Variants in PDLIM3 observed in about 807,000 individuals in gnomAD.
PDLIM3 encodes PDZ and LIM domain 3.
In PDLIM3, 36 loss-of-function variants were observed where a neutral mutation model predicts 37.3. That is an observed-to-expected ratio of 0.97 (90% CI 0.74 to 1.28). The LOEUF is 1.28. Among genes scored for constraint, PDLIM3 ranks in the 50% most tolerant of loss-of-function variants. PDLIM3 has a pLI of 0.00. For missense variants in PDLIM3, 454 were observed against 485.0 expected, an observed-to-expected ratio of 0.94 and a Z score of 0.60; for synonymous variants, 174 against 182.4, an observed-to-expected ratio of 0.95 and a Z score of 0.37.
intron 3 of PDLIM3, among the ~76,000 whole-genome samples, chr4:185,518,722 T>C (rs1273999007): frequency 1.3e-5 from 2 of 152,190 alleles, no homozygotes; most frequent in Non-Finnish European, 2.9e-5. Flanking sequence ...TGGGAAGAGC[T>C]TGAGGAAATG....
chr4:185,530,797 G>A (rs13127137), intron 1 of PDLIM3, among the ~76,000 whole-genome samples: 109,037 of 152,052 alleles, frequency 0.72, 42,687 homozygotes, highest in Non-Finnish European at 0.87. Flanking sequence ...TGTCTATGCT[G>A]CACTCTTCAC....
chr4:185,514,707 G>A lies in PDLIM3; in HGVS notation c.331-370C>T. The A allele has an allele frequency of 6.4e-7, 1 of 1,551,762 alleles. No individual in the cohort carries two copies. Among genetic ancestry groups the A allele is most frequent in the Non-Finnish European group, 8.7e-7 (1 of 1,146,864 alleles). ...AGAACAGAGCCGGATACTTACTTTTGAGGTGAGCTAGGAATGAGACCCCGC... is the reference window on the plus strand; with the variant it reads ...AGAACAGAGCCGGATACTTACTTTTAAGGTGAGCTAGGAATGAGACCCCGC... On this transcript the variant is annotated intron_variant, in intron 3 of 7. Coordinates refer to ENST00000284767, the MANE Select transcript of PDLIM3 (RefSeq NM_014476.6). The surrounding 1 kb of genome is among the most constrained non-coding windows in gnomAD (Gnocchi z 4.0).
In PDLIM3 at chr4:185,514,446, G is replaced by A. The variant is rs2095711572; in HGVS notation, c.331-109C>T. On this transcript the variant is annotated intron_variant, in intron 3 of 7. Transcript: ENST00000284767. This position sits in a 1 kb window ranked among gnomAD's most constrained non-coding sequence, Gnocchi z 4.0. ...GGAGGATCATTTACCACCAACTACT[G>A]TCATAACTAAGAAAGGCGATGACGG... 41 of 1,603,372 alleles carry A rather than the reference G, an allele frequency of 2.6e-5. No individual in the cohort carries two copies. The highest frequency in any genetic ancestry group is 3.5e-5 in the Non-Finnish European group (41 of 1,172,880).
chr4:185,526,751 T>G (rs2095734892), intron 1 of PDLIM3, among the ~76,000 whole-genome samples: 1 of 152,164 alleles, frequency 6.6e-6, no homozygotes, highest in Non-Finnish European at 1.5e-5. Context: ...TTTTAGTTCC[T>G]CATGTAGGCC....
Position 185,514,067 on chromosome 4 carries a change from C to A in PDLIM3, c.398+203G>T. The stretch of plus-strand genomic sequence containing the variant: ...ATTGCATACAATTTCACAGCTCTGT[C>A]ATCTTGTCAATATTTACTCTTGGAA... On this transcript the variant is annotated intron_variant, in intron 4 of 7. Transcript: ENST00000284767. The surrounding 1 kb of genome is among the most constrained non-coding windows in gnomAD (Gnocchi z 4.0). The A allele has an allele frequency of 6.8e-7, 1 of 1,465,494 alleles. No homozygotes were observed. The highest frequency in any genetic ancestry group is 1.4e-5 in the South Asian group (1 of 72,136). The allele number at this position is 1,465,494 out of a possible 1,614,324, so 90.8% of individuals were successfully genotyped here.
At chr4:185,518,368 A>C (rs908722328) in intron 3 of PDLIM3, among the ~76,000 whole-genome samples, 16 of 152,172 alleles carry the variant, frequency 1.1e-4, no homozygotes, top group Non-Finnish European at 1.5e-5. Context: ...ATAAAGATTC[A>C]GATAATCTTT....
chr4:185,507,160 C>T (rs889735389), intron 5 of PDLIM3: 1 of 153,534 alleles, frequency 6.5e-6, no homozygotes, highest in African/African-American at 2.4e-5. Flanking sequence ...ATTTGTTAAC[C>T]CCTGGAAATA....
At chr4:185,505,317 T>C (rs1301583890) in intron 6 of PDLIM3, among the ~76,000 whole-genome samples, 1 of 152,220 alleles carries the variant, frequency 6.6e-6, no homozygotes, top group East Asian at 1.9e-4. Flanking sequence ...TGGGCTATTG[T>C]GAATAAGATA....
rs746822252 is a variant in PDLIM3 at position 185,502,254 on chromosome 4, C to CGTGGGTGG, written c.*32_*39dup. 6.3e-7 allele frequency: 1 copy of CGTGGGTGG among 1,593,596 alleles called. No homozygotes were observed. Among genetic ancestry groups the CGTGGGTGG allele is most frequent in the South Asian group, 1.1e-5 (1 of 90,674 alleles). ...ATGAATGTCTTCTCGTGTAAGTGCG[C>CGTGGGTGG]GTGGGTGGGTGCGTGCGTGCGTGCC... is the stretch of plus-strand genomic sequence containing the variant. On this transcript the variant is annotated 3_prime_UTR_variant, in exon 8 of 8. Coordinates refer to ENST00000284767, the MANE Select transcript of PDLIM3 (RefSeq NM_014476.6).
At chr4:185,526,180 A>G (rs1446778458) in intron 1 of PDLIM3, among the ~76,000 whole-genome samples, 1 of 152,226 alleles carries the variant, frequency 6.6e-6, no homozygotes, top group Non-Finnish European at 1.5e-5. Context: ...TTCAGCTAAA[A>G]TTATTAACAA....
intron 1 of PDLIM3, among the ~76,000 whole-genome samples, chr4:185,529,581 C>A (rs1425916771): frequency 8.5e-5 from 13 of 152,318 alleles, no homozygotes; most frequent in Middle Eastern, 3.4e-3. Flanking sequence ...AGCCCTGCAG[C>A]ACCTGCCTGC....
At chr4:185,503,912 C>T (rs928196079) in intron 7 of PDLIM3, among the ~76,000 whole-genome samples, 19 of 152,220 alleles carry the variant, frequency 1.2e-4, no homozygotes, top group Admixed American at 9.2e-4. Context: ...TGCGCCACTG[C>T]ACTCCAGTCT....
chr4:185,505,051 C>A (rs574723114), intron 6 of PDLIM3, among the ~76,000 whole-genome samples: 1 of 152,142 alleles, frequency 6.6e-6, no homozygotes, highest in Non-Finnish European at 1.5e-5. Context: ...CTGCTCATAG[C>A]CCCTGGTAAC....
chr4:185,513,049 C>T (rs954479162), intron 4 of PDLIM3: 2 of 985,238 alleles, frequency 2.0e-6, no homozygotes, highest in Non-Finnish European at 2.4e-6. Flanking sequence ...ATTTATTGGG[C>T]ATTTATTTTG....
At chr4:185,512,915 T>G (rs72715914) in intron 4 of PDLIM3, 3 of 984,888 alleles carry the variant, frequency 3.0e-6, no homozygotes, top group Non-Finnish European at 3.6e-6. Context: ...AGGGAACACA[T>G]AGAGAGAAGC....
rs1186850413 is a variant in PDLIM3, at chr4:185,502,132, T to C, written c.*162A>G. On this transcript the variant is annotated 3_prime_UTR_variant, in exon 8 of 8. Transcript: ENST00000284767. ...TTTTTTCACATAGCAGGCATTTGCC[T>C]CCCATTCCTTTTCCTCAATAAACAA... is the stretch of plus-strand genomic sequence containing the variant. 2.6e-6 allele frequency: 2 copies of C among 757,340 alleles called. No homozygotes were observed. Among genetic ancestry groups the C allele is most frequent in the Non-Finnish European group, 4.6e-6 (2 of 438,020 alleles). The allele number at this position is 757,340 out of a possible 1,614,324, so 46.9% of individuals were successfully genotyped here. A position where few individuals can be genotyped will look rare whatever the true frequency, so the allele number is the denominator to read the frequency against.
rs1319187503 is a variant in PDLIM3, at chr4:185,514,679, G to GC, written c.331-343dup. The GC allele has an allele frequency of 6.5e-7, 1 of 1,546,608 alleles. No homozygotes were observed. The highest frequency in any genetic ancestry group is 2.0e-5 in the Admixed American group (1 of 50,698). ...TGCTATCACTGTTAGGTACACTGTGGCCAGAACAGAGCCGGATACTTACTT... is the reference window on the plus strand; with the variant it reads ...TGCTATCACTGTTAGGTACACTGTGGCCCAGAACAGAGCCGGATACTTACTT... On this transcript the variant is annotated intron_variant, in intron 3 of 7. Coordinates refer to ENST00000284767, the MANE Select transcript of PDLIM3 (RefSeq NM_014476.6). This position sits in a 1 kb window ranked among gnomAD's most constrained non-coding sequence, Gnocchi z 4.0.
chr4:185,517,292 C>G (rs1156520910), intron 3 of PDLIM3: 1 of 142,632 alleles, frequency 7.0e-6, no homozygotes, highest in Non-Finnish European at 1.5e-5. Context: ...ACAAGTCTCT[C>G]AGGCTAATTA....
rs113792127 is a variant in PDLIM3, at chr4:185,535,375, G to T, written c.60C>A (p.Gly20=). 2.8e-3 allele frequency: 4,539 copies of T among 1,608,636 alleles called. 11 individuals are homozygous for T. The highest frequency in any genetic ancestry group is 3.6e-3 in the Non-Finnish European group (4,221 of 1,177,710). Residue 20 remains glycine (G), a synonymous_variant, in exon 1 of 8, where the codon GGC becomes GGA. Coordinates refer to ENST00000284767, the MANE Select transcript of PDLIM3 (RefSeq NM_014476.6). ...PAPWGFRLSG[G]IDFNQPLVIT... is the part of the protein sequence containing the mutation. ...TGACCAAAGGCTGGTTGAAGTCTAT[G>T]CCCCCTGAGAGCCTGAAGCCCCAGG...
Sources: gnomAD v4.1 joint callset for allele counts (sites outside exome capture counted in the v4.1 genomes callset) on GRCh38, gnomAD v4.1.1 for gene constraint, Gnocchi (gnomAD v3.1) non-coding constraint, MANE v1.5 for transcripts, NCBI Gene and HGNC (gene_info 2026-07-23, HGNC 2026-07-21) for gene names.